Variants in OTOL1 observed in about 807,000 individuals in gnomAD.
The protein encoded by OTOL1 is otolin 1.
OTOL1 carries 31 observed loss-of-function variants against 25.0 expected under a neutral mutation model. The observed-to-expected ratio is 1.24, with a 90% confidence interval of 0.93 to 1.67. The LOEUF (loss-of-function observed/expected upper bound fraction) is 1.67, where lower values mean the gene tolerates loss of function less well. Ranked by LOEUF, OTOL1 falls within the 40% of genes most tolerant of loss-of-function variation. The pLI, the probability that OTOL1 is intolerant of heterozygous loss-of-function variation, is 0.00. For synonymous variants in OTOL1, 225 were observed against 210.3 expected, an observed-to-expected ratio of 1.07 and a Z score of -0.61; for missense variants, 654 against 587.7, an observed-to-expected ratio of 1.11 and a Z score of -1.17.
Position 161,503,329 on chromosome 3 carries a change from A to G in OTOL1, c.821A>G (p.Glu274Gly), listed in dbSNP as rs1210317745. ...EKGSKGDSGM[E>G]GKSGRNGLPG... ...GGTAGCAAAGGAGACAGTGGAATGG[A>G]AGGCAAAAGCGGCCGTAATGGTCTG... The change falls in exon 4 of 4, where the codon GAA becomes GGA. Residue 274 changes from glutamate to glycine, a missense_variant. By Grantham distance (98) the Glu-to-Gly change is moderately conservative. Transcript: ENST00000327928. The G allele has an allele frequency of 1.3e-6, 2 of 1,568,380 alleles. No homozygotes were observed. Among genetic ancestry groups the G allele is most frequent in the South Asian group, 1.2e-5 (1 of 84,296 alleles).
intron 3 of OTOL1, 39 bp downstream of exon 3, chr3:161,502,408 C>T (rs374301254): frequency 9.3e-5 from 140 of 1,508,866 alleles, no homozygotes; most frequent in Middle Eastern, 6.8e-4. Context: ...CAGTCAGGTG[C>T]GCAGTATAGC....
At chr3:161,499,103 C>A (rs1391717200) in intron 1 of OTOL1, 68 bp from the exon 2 acceptor site, 2 of 1,256,960 alleles carry the variant, frequency 1.6e-6, no homozygotes, top group Admixed American at 4.5e-5. Flanking sequence ...TGCTTTTTTT[C>A]TTTCCTGAAC....
chr3:161,502,880 C>T lies in OTOL1; in HGVS notation c.518-146C>T, dbSNP rs548397739. ...TAATATAAATTATTCATTGTCAGAG[C>T]CTCCTAAGTGTGCACAGTTTTTACT... On this transcript the variant is annotated intron_variant, in intron 3 of 3. Coordinates refer to ENST00000327928, the MANE Select transcript of OTOL1 (RefSeq NM_001080440.1). 6.1e-6 allele frequency: 3 copies of T among 494,506 alleles called. No individual in the cohort carries two copies. In the South Asian group the frequency reaches 2.9e-4, roughly 48 times the overall value. 30.6% of individuals were successfully genotyped at this position (494,506 alleles called of 1,614,324 possible). A position where few individuals can be genotyped will look rare whatever the true frequency, so the allele number is the denominator to read the frequency against.
At chr3:161,497,521 AG>A (rs1387343242) in intron 1 of OTOL1, among the ~76,000 whole-genome samples, 1 of 152,164 alleles carries the variant, frequency 6.6e-6, no homozygotes, top group Non-Finnish European at 1.5e-5. Context: ...TACCAACTCC[AG>A]CATGGTGCTC....
chr3:161,502,932 G>A, intron 3 of OTOL1, 94 bp from the exon 4 acceptor site: 1 of 960,494 alleles, frequency 1.0e-6, no homozygotes, highest in Non-Finnish European at 1.4e-6. Flanking sequence ...TTCCTAATTA[G>A]TAGGTTTGTT....
At position 161,502,384 on chromosome 3, in the gene OTOL1, G is replaced by A. The variant is rs779559483; in HGVS notation, c.517+15G>A. 6.2e-7 allele frequency: 1 copy of A among 1,607,414 alleles called. No homozygotes were observed. Among genetic ancestry groups the A allele is most frequent in the African/African-American group, 1.3e-5 (1 of 74,774 alleles). ...GGGAGCACAAGGTAGAGCATGAAATGTATCTACTGTGTACAGTCAGGTGCG... is the reference window on the plus strand; with the variant it reads ...GGGAGCACAAGGTAGAGCATGAAATATATCTACTGTGTACAGTCAGGTGCG... On this transcript the variant is annotated intron_variant, in intron 3 of 3. Coordinates refer to ENST00000327928, the MANE Select transcript of OTOL1 (RefSeq NM_001080440.1).
chr3:161,499,505 A>G (rs1425866679), intron 2 of OTOL1, among the ~76,000 whole-genome samples: 1 of 152,160 alleles, frequency 6.6e-6, no homozygotes, highest in Non-Finnish European at 1.5e-5. Flanking sequence ...CAGCTTTTCC[A>G]TCTCTCATTG....
chr3:161,503,831 CT>C lies in OTOL1; in HGVS notation c.1324del (p.Trp442GlyfsTer?). On this transcript the variant is annotated frameshift_variant, in exon 4 of 4. Transcript: ENST00000327928. LOFTEE classifies it high-confidence loss of function. ...TGAAATTAAGTGCAGGAGACCAAGT[CT>C]GGCTTGAGGTGTCAAAAGATTGGAA... Reference protein sequence around the residue: ...ILKLSAGDQVWLEVSKDWNGV... With the variant: ...ILKLSAGDQVXLEVSKDWNGV... The C allele has an allele frequency of 6.2e-7, 1 of 1,613,920 alleles. No individual in the cohort carries two copies. The highest frequency in any genetic ancestry group is 8.5e-7 in the Non-Finnish European group (1 of 1,179,854).
chr3:161,499,879 A>G (rs1200132000), intron 2 of OTOL1, among the ~76,000 whole-genome samples: 1 of 152,188 alleles, frequency 6.6e-6, no homozygotes, highest in African/African-American at 2.4e-5. Context: ...TATCTTGTTT[A>G]CTATCGAAGA....
At chr3:161,501,553 T>G (rs1718974037) in intron 2 of OTOL1, among the ~76,000 whole-genome samples, 1 of 149,474 alleles carries the variant, frequency 6.7e-6, no homozygotes, top group African/African-American at 2.5e-5. Context: ...CAGTTTTTTT[T>G]CCCGGACTTT....
intron 1 of OTOL1, among the ~76,000 whole-genome samples, chr3:161,497,586 C>T (rs1718867883): frequency 6.6e-6 from 1 of 151,988 alleles, no homozygotes; most frequent in Non-Finnish European, 1.5e-5. Context: ...AAATTAGTGG[C>T]TGATTTAAAA....
At chr3:161,497,949 G>C (rs938407092) in intron 1 of OTOL1, among the ~76,000 whole-genome samples, 1 of 152,088 alleles carries the variant, frequency 6.6e-6, no homozygotes, top group Non-Finnish European at 1.5e-5. Flanking sequence ...ATTGCCTGAG[G>C]AATTTAATGT....
At chr3:161,502,393 G>GT (rs775431035) in intron 3 of OTOL1, 24 bp downstream of exon 3, 4 of 1,598,988 alleles carry the variant, frequency 2.5e-6, no homozygotes, top group Non-Finnish European at 2.6e-6. Context: ...TGTATCTACT[G>GT]TGTACAGTCA....
chr3:161,502,941 T>C, intron 3 of OTOL1, 85 bp from the exon 4 acceptor site: 1 of 1,064,294 alleles, frequency 9.4e-7, no homozygotes, highest in Non-Finnish European at 1.2e-6. Context: ...AGTAGGTTTG[T>C]TTCTACTTTT....
chr3:161,499,318 G>A, intron 2 of OTOL1, 58 bp downstream of exon 2: 1 of 1,320,604 alleles, frequency 7.6e-7, no homozygotes, highest in East Asian at 2.5e-5. Flanking sequence ...TTTCAGGAGA[G>A]CAATTTGCTA....
chr3:161,499,376 A>G, intron 2 of OTOL1, 116 bp downstream of exon 2: 1 of 735,920 alleles, frequency 1.4e-6, no homozygotes, highest in Non-Finnish European at 2.2e-6. Flanking sequence ...AAATGTAAAT[A>G]CTTGATAAAG....
rs1553818215 is a variant in OTOL1, at chr3:161,496,881, C to A, written c.74C>A (p.Thr25Asn). 4 of 1,612,928 alleles carry A rather than the reference C, an allele frequency of 2.5e-6. No individual in the cohort carries two copies. The highest frequency in any genetic ancestry group is 3.3e-5 in the Admixed American group (2 of 59,762). Residue 25 changes from threonine to asparagine, a missense_variant, in exon 1 of 4, where the codon ACC (threonine) becomes AAC (asparagine). Transcript: ENST00000327928. ...GCTGGTATGAACACAATAGCAAAGA[C>A]CACACCACATACCAAATTTACGAAG... ...AIAGMNTIAKTTPHTKFTKKS... is the reference protein window; with the variant it reads ...AIAGMNTIAKNTPHTKFTKKS...
chr3:161,503,114 T>G lies in OTOL1; in HGVS notation c.606T>G (p.Asn202Lys), dbSNP rs1186353152. Reference protein sequence around the residue: ...QKGSKGDTCGNCTKGEKGDQG... With the variant: ...QKGSKGDTCGKCTKGEKGDQG... ...GCTCCAAGGGAGACACATGTGGGAA[T>G]TGTACCAAAGGAGAAAAAGGAGACC... The change falls in exon 4 of 4, where the codon AAT becomes AAG. Residue 202 changes from asparagine (N) to lysine (K), a missense_variant. Coordinates refer to ENST00000327928, the MANE Select transcript of OTOL1 (RefSeq NM_001080440.1). 3 of 1,422,566 alleles carry G rather than the reference T, an allele frequency of 2.1e-6. No individual in the cohort carries two copies. The allele number at this position is 1,422,566 out of a possible 1,614,324, so 88.1% of individuals were successfully genotyped here.
In OTOL1 at chr3:161,503,799, G is replaced by A. The variant is rs370829105; in HGVS notation, c.1291G>A (p.Val431Ile). The A allele has an allele frequency of 1.3e-5, 21 of 1,613,692 alleles. No homozygotes were observed. The highest frequency in any genetic ancestry group is 8.3e-5 in the Admixed American group (5 of 59,994). ...GGAAATAGACCAGGCCTCTCTCCTCGTCATCTTGAAATTAAGTGCAGGAGA... is the reference window on the plus strand; with the variant it reads ...GGAAATAGACCAGGCCTCTCTCCTCATCATCTTGAAATTAAGTGCAGGAGA... ...GQEIDQASLL[V>I]ILKLSAGDQV... The change falls in exon 4 of 4, where the codon GTC (valine) becomes ATC (isoleucine). Residue 431 changes from valine to isoleucine, a missense_variant. Physicochemically the swap from Val to Ile is conservative, Grantham distance 29 (BLOSUM62 3). Transcript: ENST00000327928.
Sources: allele counts gnomAD v4.1 joint callset (sites outside exome capture counted in the v4.1 genomes callset), GRCh38; gene constraint gnomAD v4.1.1; transcripts MANE v1.5; gene names NCBI Gene and HGNC (gene_info 2026-07-23, HGNC 2026-07-21).